The following RAB44 variants were observed in gnomAD, a reference collection of about 807,000 sequenced individuals.
The protein encoded by RAB44 is RAB44, member RAS oncogene family.
Under a neutral mutation model 93.3 loss-of-function variants are expected in RAB44, and 67 were observed. The observed-to-expected ratio is 0.72, with a 90% confidence interval of 0.59 to 0.88. The LOEUF (loss-of-function observed/expected upper bound fraction) is 0.88. Ranked by LOEUF, RAB44 falls within the 40% of genes least tolerant of loss-of-function variation. The pLI is 0.00. For missense variants in RAB44, 1,064 were observed against 1,261.7 expected, an observed-to-expected ratio of 0.84 and a Z score of 2.37; for synonymous variants, 427 against 520.3, an observed-to-expected ratio of 0.82 and a Z score of 2.44.
At chr6:36,706,552 T>C (rs1157576601) in intron 2 of RAB44, among the ~76,000 whole-genome samples, 1 of 152,164 alleles carries the variant, frequency 6.6e-6, no homozygotes, top group Non-Finnish European at 1.5e-5. Context: ...GCATTCCTTA[T>C]AGTAGGCTTG....
intron 9 of RAB44, 153 bp from the exon 10 acceptor site, chr6:36,725,709 T>G (rs2150340655): frequency 3.2e-6 from 2 of 623,856 alleles, no homozygotes; most frequent in South Asian, 1.8e-5. Flanking sequence ...GGTCCTCGAG[T>G]ATGGATGGGA....
intron 11 of RAB44, 115 bp downstream of exon 11, chr6:36,727,806 GACAC>G: frequency 1.4e-6 from 1 of 725,816 alleles, no homozygotes; most frequent in Non-Finnish European, 2.4e-6. Context: ...ACATATGGGT[GACAC>G]CACCCACTGA....
In RAB44 at chr6:36,731,029, G is replaced by C. The variant is rs2150343538; in HGVS notation, c.2975+280G>C. Among the ~76,000 whole-genome samples the C allele has an allele frequency of 6.6e-6, 1 of 152,032 alleles. No homozygotes were observed. The highest frequency in any genetic ancestry group is 2.1e-4 in the South Asian group (1 of 4,806). ...CCTCAGTTTTTTCATTTGCAAAGAG[G>C]GCTGAGAAAAGGAGTGTCTCTCTTC... On this transcript the variant is annotated intron_variant, in intron 13 of 13. Coordinates refer to ENST00000612677, the MANE Select transcript of RAB44 (RefSeq NM_001257357.2). This position sits in a 1 kb window ranked among gnomAD's most constrained non-coding sequence, Gnocchi z 4.0.
Position 36,730,694 on chromosome 6 carries a change from G to C in RAB44, c.2920G>C (p.Glu974Gln), listed in dbSNP as rs143649111. 5.3e-4 allele frequency: 651 copies of C among 1,234,352 alleles called. 3 individuals carry two copies. In the Admixed American group the frequency reaches 8.1e-3, roughly 15 times the overall value. The allele number at this position is 1,234,352 out of a possible 1,614,324, so 76.5% of individuals were successfully genotyped here. The change falls in exon 13 of 14, where the codon GAG (glutamate) becomes CAG (glutamine). Residue 974 changes from glutamate (E) to glutamine (Q), a missense_variant. Physicochemically the swap from Glu to Gln is conservative, Grantham distance 29. Coordinates refer to ENST00000612677, the MANE Select transcript of RAB44 (RefSeq NM_001257357.2). ...LAQELGVYFG[E>Q]CSAALGHNIL... ...GCAGGAACTGGGGGTCTATTTTGGG[G>C]AGTGCAGTGCCGCCTTGGGTCACAA... is the stretch of plus-strand genomic sequence containing the variant.
In RAB44 at chr6:36,704,204, C is replaced by T; in HGVS notation, c.-12-20C>T. ...CGTGACTGTCCAGCAGCCCGGTGCC[C>T]CTCACTCCTCTGTCCCCAGGGCCAA... On this transcript the variant is annotated intron_variant, in intron 1 of 13. Transcript: ENST00000612677. The T allele has an allele frequency of 1.3e-5, 20 of 1,525,518 alleles. No homozygotes were observed. The highest frequency in any genetic ancestry group is 1.7e-5 in the Non-Finnish European group (19 of 1,137,832). The allele number at this position is 1,525,518 out of a possible 1,614,324, so 94.5% of individuals were successfully genotyped here. A position where few individuals can be genotyped will look rare whatever the true frequency, so the allele number is the denominator to read the frequency against.
chr6:36,722,658 T>G lies in RAB44; in HGVS notation c.2524T>G (p.Ser842Ala). Residue 842 changes from serine (S) to alanine (A), a missense_variant, in exon 9 of 14, where the codon TCC becomes GCC. Transcript: ENST00000612677. ...CTTCCATGTCATCTTTCTGGGAGAC[T>G]CCAACGTGGGCAAAACATCCTTCCT... Reference protein sequence around the residue: ...YLFHVIFLGDSNVGKTSFLHL... With the variant: ...YLFHVIFLGDANVGKTSFLHL... 4 of 1,550,664 alleles carry G rather than the reference T, an allele frequency of 2.6e-6. No homozygotes were observed. Among genetic ancestry groups the G allele is most frequent in the Non-Finnish European group, 3.5e-6 (4 of 1,147,008 alleles).
At chr6:36,716,954 A>G (rs1762936319) in intron 4 of RAB44, among the ~76,000 whole-genome samples, 3 of 152,160 alleles carry the variant, frequency 2.0e-5, no homozygotes, top group Admixed American at 2.0e-4. Context: ...GCTGGAGGTC[A>G]CACAGCCTCA....
chr6:36,715,686 G>A, intron 4 of RAB44, 33 bp downstream of exon 4: 1 of 1,529,214 alleles, frequency 6.5e-7, no homozygotes, highest in African/African-American at 1.4e-5. Context: ...ATGGGGAGAG[G>A]CTCTGCCAGC....
At position 36,721,621 on chromosome 6, in the gene RAB44, T is replaced by A. The variant is rs559022082; in HGVS notation, c.1487T>A (p.Leu496His). ...GSLVAPAFKV[L>H]IPLEDGPPPP... The stretch of plus-strand genomic sequence containing the variant: ...CTGGTGGCACCTGCATTCAAAGTGC[T>A]CATTCCTTTGGAGGATGGGCCCCCT... Residue 496 changes from leucine (L) to histidine (H), a missense_variant, in exon 9 of 14, where the codon CTC becomes CAC. Physicochemically the swap from Leu to His is moderately conservative, Grantham distance 99 (BLOSUM62 -3). Transcript: ENST00000612677. 4.2e-5 allele frequency: 52 copies of A among 1,234,572 alleles called. No individual in the cohort carries two copies. In the African/African-American group the frequency reaches 8.1e-4, roughly 19 times the overall value. The allele number at this position is 1,234,572 out of a possible 1,614,324, so 76.5% of individuals were successfully genotyped here. A position where few individuals can be genotyped will look rare whatever the true frequency, so the allele number is the denominator to read the frequency against.
chr6:36,721,230 GACA>G lies in RAB44; in HGVS notation c.1099_1101del (p.Asn367del). ...GGCCCCCCTGCCTGGGCTATTTGGG[GACA>G]ACGATGACTGGGACCAGCTACTGAG... is the stretch of plus-strand genomic sequence containing the variant. On this transcript the variant is annotated inframe_deletion, in exon 9 of 14. Transcript: ENST00000612677. The G allele has an allele frequency of 8.2e-6, 10 of 1,221,624 alleles. No homozygotes were observed. The highest frequency in any genetic ancestry group is 4.1e-5 in the South Asian group (1 of 24,388). The allele number at this position is 1,221,624 out of a possible 1,614,324, so 75.7% of individuals were successfully genotyped here. A position where few individuals can be genotyped will look rare whatever the true frequency, so the allele number is the denominator to read the frequency against.
chr6:36,727,954 C>T (rs1477959483), intron 11 of RAB44, among the ~76,000 whole-genome samples: 2 of 152,208 alleles, frequency 1.3e-5, no homozygotes, highest in Non-Finnish European at 2.9e-5. Flanking sequence ...TTTGTAATGT[C>T]TTCTTCTTAC....
chr6:36,710,838 G>T (rs1460357367), intron 2 of RAB44, among the ~76,000 whole-genome samples: 1 of 152,124 alleles, frequency 6.6e-6, no homozygotes, highest in Non-Finnish European at 1.5e-5. Flanking sequence ...TGGCTAGGCT[G>T]GTCTTGAACT....
intron 1 of RAB44, among the ~76,000 whole-genome samples, chr6:36,699,641 C>A (rs1762466358): frequency 6.6e-6 from 1 of 152,210 alleles, no homozygotes; most frequent in African/African-American, 2.4e-5. Flanking sequence ...CCTCTGTAGC[C>A]TTGGGGAAGT....
intron 2 of RAB44, among the ~76,000 whole-genome samples, chr6:36,711,684 C>T (rs1016225946): frequency 6.6e-6 from 1 of 152,178 alleles, no homozygotes; most frequent in African/African-American, 2.4e-5. Context: ...CTTTAAGAGA[C>T]ATAGTACGCT....
At chr6:36,702,256 T>C (rs936090943) in intron 1 of RAB44, among the ~76,000 whole-genome samples, 2 of 151,134 alleles carry the variant, frequency 1.3e-5, no homozygotes, top group African/African-American at 4.9e-5. Flanking sequence ...TTTACATTTA[T>C]GATCTTAAAA....
rs1190694224 is a variant in RAB44, at chr6:36,702,478, G to A, written c.-12-1746G>A. 5.9e-5 allele frequency among the ~76,000 whole-genome samples: 9 copies of A among 152,292 alleles called. 1 individual carries two copies. In the South Asian group the frequency reaches 1.9e-3, roughly 32 times the overall value. On this transcript the variant is annotated intron_variant, in intron 1 of 13. Coordinates refer to ENST00000612677, the MANE Select transcript of RAB44 (RefSeq NM_001257357.2). ...TGACCCCCTGGAATGAGCCCATGAGGCCTAAAGCAGAGCCCTCTAACCACT... is the reference window on the plus strand; with the variant it reads ...TGACCCCCTGGAATGAGCCCATGAGACCTAAAGCAGAGCCCTCTAACCACT...
At chr6:36,725,109 T>A (rs1763203227) in intron 9 of RAB44, among the ~76,000 whole-genome samples, 1 of 152,202 alleles carries the variant, frequency 6.6e-6, no homozygotes, top group African/African-American at 2.4e-5. Context: ...AAGCCCTGCC[T>A]CCACACCAGA....
Position 36,717,932 on chromosome 6 carries a change from G to A in RAB44, c.642-96G>A. ...TGCTGGCAGAGTGAGGAAAGCAATA[G>A]GATGGATTCCAAACCCAAGCCCAGA... On this transcript the variant is annotated intron_variant, in intron 5 of 13. Coordinates refer to ENST00000612677, the MANE Select transcript of RAB44 (RefSeq NM_001257357.2). This position sits in a 1 kb window ranked among gnomAD's most constrained non-coding sequence, Gnocchi z 4.1. 9.5e-6 allele frequency: 6 copies of A among 628,672 alleles called. No homozygotes were observed. Among genetic ancestry groups the A allele is most frequent in the Non-Finnish European group, 1.4e-5 (6 of 437,508 alleles). The allele number at this position is 628,672 out of a possible 1,614,324, so 38.9% of individuals were successfully genotyped here.
chr6:36,730,763 G>GCCCCCCCCCCCCC lies in RAB44; in HGVS notation c.2975+20_2975+21insCCCCCCCCCCCCC. 9.1e-7 allele frequency: 1 copy of GCCCCCCCCCCCCC among 1,100,688 alleles called. No individual in the cohort carries two copies. The highest frequency in any genetic ancestry group is 1.1e-6 in the Non-Finnish European group (1 of 907,668). 68.2% of individuals were successfully genotyped at this position (1,100,688 alleles called of 1,614,324 possible). A position where few individuals can be genotyped will look rare whatever the true frequency, so the allele number is the denominator to read the frequency against. On this transcript the variant is annotated intron_variant, in intron 13 of 13. Transcript: ENST00000612677. ...AAACCTGGCCAGGTAAGTGCTGCCCGCCCCCCGCCGCCCCCACCCCCCCCC... is the reference window on the plus strand; with the variant it reads ...AAACCTGGCCAGGTAAGTGCTGCCCGCCCCCCCCCCCCCCCCCCCGCCGCCCCCACCCCCCCCC...
Sources: gnomAD v4.1 joint callset for allele counts (sites outside exome capture counted in the v4.1 genomes callset) on GRCh38, gnomAD v4.1.1 for gene constraint, Gnocchi (gnomAD v3.1) non-coding constraint, MANE v1.5 for transcripts, NCBI Gene and HGNC (gene_info 2026-07-23, HGNC 2026-07-21) for gene names.